Variants in UHRF2 observed in about 807,000 individuals in gnomAD.
UHRF2 encodes the protein E3 ubiquitin-protein ligase UHRF2.
UHRF2 carries 23 observed loss-of-function variants against 96.8 expected under a neutral mutation model. The ratio of observed to expected loss-of-function variants is 0.24; its 90% CI spans 0.17 to 0.34. The LOEUF (loss-of-function observed/expected upper bound fraction) is 0.34. Among genes scored for constraint, UHRF2 ranks in the 10% least tolerant of loss-of-function variants. The probability of loss-of-function intolerance (pLI) is 1.00; values close to 1 mark genes in which losing one functional copy is unlikely to be tolerated. For missense variants in UHRF2, 685 were observed against 981.5 expected, an observed-to-expected ratio of 0.70 and a Z score of 4.04; for synonymous variants, 385 against 332.6, an observed-to-expected ratio of 1.16 and a Z score of -1.72.
At chr9:6,489,850 T>C (rs951556302) in intron 9 of UHRF2, among the ~76,000 whole-genome samples, 5 of 152,052 alleles carry the variant, frequency 3.3e-5, no homozygotes, top group African/African-American at 1.2e-4. Flanking sequence ...CAAAATATAG[T>C]ATGTTTTCAG....
chr9:6,413,479 C>G lies in UHRF2; in HGVS notation c.-12C>G, dbSNP rs771836526. On this transcript the variant is annotated 5_prime_UTR_variant, in exon 1 of 16. Coordinates refer to ENST00000276893, the MANE Select transcript of UHRF2 (RefSeq NM_152896.3). ...GGAGACAAAGGGGACCGGTTCCTCT[C>G]TAGGCGCCAAGATGTGGATACAGGT... is the stretch of plus-strand genomic sequence containing the variant. The G allele has an allele frequency of 7.8e-6, 12 of 1,536,820 alleles. No homozygotes were observed. Among genetic ancestry groups the G allele is most frequent in the South Asian group, 1.2e-5 (1 of 83,804 alleles).
intron 3 of UHRF2, among the ~76,000 whole-genome samples, chr9:6,451,363 C>T (rs950349725): frequency 6.6e-6 from 1 of 152,034 alleles, no homozygotes; most frequent in Non-Finnish European, 1.5e-5. Context: ...TTATGTGACA[C>T]ATTACATAGT....
intron 3 of UHRF2, 112 bp downstream of exon 3, chr9:6,434,285 A>C: frequency 7.5e-7 from 1 of 1,326,228 alleles, no homozygotes; most frequent in Non-Finnish European, 1.0e-6. Flanking sequence ...TTTAGAGGTT[A>C]TGTTCATTTG....
At chr9:6,492,307 C>G in intron 9 of UHRF2, 1 of 1,252,566 alleles carries the variant, frequency 8.0e-7, no homozygotes, top group Non-Finnish European at 1.0e-6. Context: ...GAAAAGTTGA[C>G]AGAGTTATGA....
chr9:6,421,306 C>A (rs985082615), intron 2 of UHRF2, among the ~76,000 whole-genome samples, 164 bp downstream of exon 2: 1 of 151,966 alleles, frequency 6.6e-6, no homozygotes, highest in African/African-American at 2.4e-5. Context: ...ATATGAAATA[C>A]GTAGACAAAT....
chr9:6,501,986 T>C (rs1467242411), intron 14 of UHRF2, among the ~76,000 whole-genome samples: 2 of 152,200 alleles, frequency 1.3e-5, no homozygotes, highest in Non-Finnish European at 2.9e-5. Flanking sequence ...ATTCTGACCT[T>C]CCTAGGTCAT....
At chr9:6,470,946 T>C (rs1282354689) in intron 4 of UHRF2, among the ~76,000 whole-genome samples, 2 of 152,114 alleles carry the variant, frequency 1.3e-5, no homozygotes. Flanking sequence ...ATATTAACTG[T>C]GAGTCAAGCA....
chr9:6,501,751 C>G (rs1816303809), intron 14 of UHRF2, among the ~76,000 whole-genome samples: 1 of 152,188 alleles, frequency 6.6e-6, no homozygotes, highest in African/African-American at 2.4e-5. Context: ...TAAGCAGAGT[C>G]TGACTTTGTT....
intron 3 of UHRF2, among the ~76,000 whole-genome samples, chr9:6,457,117 A>G (rs1452501566): frequency 2.6e-5 from 4 of 152,154 alleles, no homozygotes; most frequent in East Asian, 1.9e-4. Flanking sequence ...CATTTTCACA[A>G]TACTGATTCT....
At chr9:6,477,233 CAAA>C (rs202167670) in intron 5 of UHRF2, among the ~76,000 whole-genome samples, 1 of 146,044 alleles carries the variant, frequency 6.8e-6, no homozygotes, top group Non-Finnish European at 1.5e-5. Flanking sequence ...GACTCCATCT[CAAA>C]AAAAAAGACT....
chr9:6,479,928 T>C (rs866878286), intron 6 of UHRF2, among the ~76,000 whole-genome samples: 10 of 152,212 alleles, frequency 6.6e-5, no homozygotes, highest in Non-Finnish European at 1.3e-4. Context: ...TGCTTCCATG[T>C]ACTATCCGTT....
At chr9:6,454,497 TCTCTTTCCTATGTCAGAA>T (rs1402189998) in intron 3 of UHRF2, among the ~76,000 whole-genome samples, 8 of 152,182 alleles carry the variant, frequency 5.3e-5, no homozygotes, top group African/African-American at 1.9e-4. Context: ...TCAAGTACCT[TCTCTTTCCTATGTCAGAA>T]CTACGTGAAC....
intron 2 of UHRF2, 68 bp from the exon 3 acceptor site, chr9:6,433,846 G>A (rs1185709619): frequency 2.6e-6 from 4 of 1,515,840 alleles, no homozygotes; most frequent in Non-Finnish European, 3.6e-6. Flanking sequence ...AATAACTTGA[G>A]TTACATTAAG....
intron 2 of UHRF2, chr9:6,422,491 A>G (rs1819986524): frequency 2.4e-6 from 1 of 423,340 alleles, no homozygotes; most frequent in African/African-American, 2.0e-5. Flanking sequence ...ATAAAGCTCT[A>G]CAAATCTGAT....
At chr9:6,503,565 A>T (rs767677341) in intron 14 of UHRF2, among the ~76,000 whole-genome samples, 4 of 152,088 alleles carry the variant, frequency 2.6e-5, no homozygotes, top group Non-Finnish European at 4.4e-5. Context: ...GGATTTTAGG[A>T]TTGAGGTAAA....
At chr9:6,468,303 C>G in intron 4 of UHRF2, 2 of 365,792 alleles carry the variant, frequency 5.5e-6, no homozygotes, top group Non-Finnish European at 1.1e-5. Flanking sequence ...GAATTTGTGA[C>G]ATTTATTGAA....
At chr9:6,454,884 G>A (rs1327968493) in intron 3 of UHRF2, among the ~76,000 whole-genome samples, 2 of 152,194 alleles carry the variant, frequency 1.3e-5, no homozygotes, top group East Asian at 3.8e-4. Flanking sequence ...GAATCACTGA[G>A]GGGATTTGTA....
At chr9:6,461,119 T>G (rs1480295625) in intron 4 of UHRF2, among the ~76,000 whole-genome samples, 2 of 152,176 alleles carry the variant, frequency 1.3e-5, no homozygotes, top group Admixed American at 1.3e-4. Flanking sequence ...ATAATTGCTA[T>G]GAGGATCTGT....
rs151137834 is a variant in UHRF2 at position 6,455,407 on chromosome 9, C to A, written c.645-5166C>A. ...TGCGGTGTTTGGTTTTTTGTACTTG[C>A]GATAGTTTGCTGAGAATGATGGTTT... is the stretch of plus-strand genomic sequence containing the variant. On this transcript the variant is annotated intron_variant, in intron 3 of 15. Coordinates refer to ENST00000276893, the MANE Select transcript of UHRF2 (RefSeq NM_152896.3). 3.5e-3 allele frequency among the ~76,000 whole-genome samples: 537 copies of A among 152,160 alleles called. 1 individual carries two copies. Among genetic ancestry groups the A allele is most frequent in the African/African-American group, 0.012 (512 of 41,510 alleles).
Sources: allele counts gnomAD v4.1 joint callset (sites outside exome capture counted in the v4.1 genomes callset), GRCh38; gene constraint gnomAD v4.1.1; transcripts MANE v1.5; gene names NCBI Gene and HGNC (gene_info 2026-07-23, HGNC 2026-07-21).